The following TMEM232 variants were observed in gnomAD, a reference collection of about 807,000 sequenced individuals.
TMEM232 encodes the protein transmembrane protein 232.
In TMEM232, 80 loss-of-function variants were observed where a neutral mutation model predicts 78.8. The ratio of observed to expected loss-of-function variants is 1.01; its 90% CI spans 0.85 to 1.22. The LOEUF is 1.22. Among genes scored for constraint, TMEM232 ranks in the 50% most tolerant of loss-of-function variants. The pLI is 0.00. For missense variants in TMEM232, 881 were observed against 742.2 expected, an observed-to-expected ratio of 1.19 and a Z score of -2.17; for synonymous variants, 297 against 254.3, an observed-to-expected ratio of 1.17 and a Z score of -1.60.
chr5:110,438,610 C>A (rs899129900), intron 12 of TMEM232, among the ~76,000 whole-genome samples: 1 of 151,954 alleles, frequency 6.6e-6, no homozygotes, highest in African/African-American at 2.4e-5. Flanking sequence ...CCTTTCCTAT[C>A]ATGCATTTAC....
downstream of TMEM232, among the ~76,000 whole-genome samples, chr5:110,418,923 AT>A (rs1165811505): frequency 1.3e-5 from 2 of 152,184 alleles, no homozygotes; most frequent in Non-Finnish European, 2.9e-5. Context: ...TAGTTGTTAT[AT>A]CTTGCTACAA....
At chr5:110,714,590 A>C (rs992728929) in intron 1 of TMEM232, among the ~76,000 whole-genome samples, 5 of 152,176 alleles carry the variant, frequency 3.3e-5, no homozygotes, top group African/African-American at 1.2e-4. Flanking sequence ...TAGTTGACAC[A>C]ATGTCCAATA....
chr5:110,499,702 G>T (rs1766032741), intron 12 of TMEM232, among the ~76,000 whole-genome samples: 2 of 147,202 alleles, frequency 1.4e-5, no homozygotes, highest in Admixed American at 1.4e-4. Flanking sequence ...ATTAATATCA[G>T]ACCAAGTAGA....
At chr5:110,526,969 T>C (rs1241584061) in intron 12 of TMEM232, among the ~76,000 whole-genome samples, 2 of 151,946 alleles carry the variant, frequency 1.3e-5, no homozygotes, top group African/African-American at 4.8e-5. Flanking sequence ...TTATGTTTAC[T>C]ATGCTAATTT....
intron 11 of TMEM232, among the ~76,000 whole-genome samples, chr5:110,557,112 G>T (rs551423895): frequency 6.6e-6 from 1 of 152,000 alleles, no homozygotes; most frequent in Non-Finnish European, 1.5e-5. Flanking sequence ...GAGTTGACTT[G>T]AAGAACTCGT....
At chr5:110,430,368 G>C (rs201862333) in intron 12 of TMEM232, among the ~76,000 whole-genome samples, 1 of 139,926 alleles carries the variant, frequency 7.1e-6, no homozygotes, top group African/African-American at 2.7e-5. Context: ...TTTTTTTTTT[G>C]TTCTCAGAGC....
intron 12 of TMEM232, among the ~76,000 whole-genome samples, chr5:110,471,039 T>C (rs1312429051): frequency 6.6e-6 from 1 of 152,080 alleles, no homozygotes; most frequent in African/African-American, 2.4e-5. Context: ...ACCAAAGAGA[T>C]AGACATCATT....
Position 110,606,177 on chromosome 5 carries a change from G to A in TMEM232, c.1013C>T (p.Ser338Phe). 2 of 1,547,118 alleles carry A rather than the reference G, an allele frequency of 1.3e-6. No homozygotes were observed. The highest frequency in any genetic ancestry group is 1.7e-6 in the Non-Finnish European group (2 of 1,144,084). The change falls in exon 9 of 14, where the codon TCT (serine) becomes TTT (phenylalanine). Residue 338 changes from serine (S) to phenylalanine (F), a missense_variant. Coordinates refer to ENST00000455884, the MANE Select transcript of TMEM232 (RefSeq NM_001039763.4). ...TAGCAATGTTACCTGATTTTGAACA[G>A]ACATAATGCTTGAAACAAAATCTCT... ...VVRDFVSSIM[S>F]VQNQEESCKV...
chr5:110,540,291 G>T, intron 11 of TMEM232, among the ~76,000 whole-genome samples: 1 of 152,174 alleles, frequency 6.6e-6, no homozygotes. Context: ...CCAGCCACTG[G>T]TATTTTAGTG....
At chr5:110,443,392 G>A (rs1012854604) in intron 12 of TMEM232, among the ~76,000 whole-genome samples, 2 of 152,106 alleles carry the variant, frequency 1.3e-5, no homozygotes, top group African/African-American at 4.8e-5. Context: ...AATTCTGCCA[G>A]GCCACCACTG....
At position 110,420,015 on chromosome 5, in the gene TMEM232, G is replaced by T. The variant is rs1302755771; in HGVS notation, c.*565C>A. 1 of 152,224 alleles carries T rather than the reference G, an allele frequency of 6.6e-6. No homozygotes were observed. 9.4% of individuals were successfully genotyped at this position (152,224 alleles called of 1,614,324 possible). ...CCCTCTGGCATCTGTTAAAGATCAA[G>T]CCAATCAATCTAAGATGACCAGCCC... On this transcript the variant is annotated 3_prime_UTR_variant, in exon 14 of 14. Transcript: ENST00000455884.
chr5:110,667,933 G>C (rs949038978), intron 1 of TMEM232, among the ~76,000 whole-genome samples: 9 of 151,688 alleles, frequency 5.9e-5, no homozygotes, highest in African/African-American at 1.7e-4. Context: ...TTTTCCTTTT[G>C]ATTCATATCT....
At chr5:110,485,042 T>A (rs187170129) in intron 12 of TMEM232, among the ~76,000 whole-genome samples, 1 of 152,116 alleles carries the variant, frequency 6.6e-6, no homozygotes. Flanking sequence ...GGTGGGAATG[T>A]AAACAAGTAT....
At chr5:110,524,480 C>T (rs953100402) in intron 12 of TMEM232, among the ~76,000 whole-genome samples, 2 of 151,848 alleles carry the variant, frequency 1.3e-5, no homozygotes, top group Non-Finnish European at 2.9e-5. Flanking sequence ...AGAAATTCTA[C>T]ATATTTGTGA....
At chr5:110,610,169 C>T (rs567539563) in intron 8 of TMEM232, among the ~76,000 whole-genome samples, 3 of 125,204 alleles carry the variant, frequency 2.4e-5, no homozygotes, top group Non-Finnish European at 4.9e-5. Context: ...GAAAGCATAC[C>T]TATTCCTATC....
At chr5:110,446,086 G>A (rs1254964693) in intron 12 of TMEM232, among the ~76,000 whole-genome samples, 2 of 152,048 alleles carry the variant, frequency 1.3e-5, no homozygotes, top group Non-Finnish European at 2.9e-5. Context: ...CCATTTCCTT[G>A]GCAGAACTCT....
intron 1 of TMEM232, among the ~76,000 whole-genome samples, chr5:110,675,245 A>G (rs1338071789): frequency 6.6e-6 from 1 of 151,864 alleles, no homozygotes; most frequent in African/African-American, 2.4e-5. Context: ...GGGTTTCACT[A>G]TGTTGGTCAG....
chr5:110,409,700 C>T (rs1476179120), intron 2 of TMEM232, among the ~76,000 whole-genome samples: 1 of 148,776 alleles, frequency 6.7e-6, no homozygotes, highest in Non-Finnish European at 1.5e-5. Flanking sequence ...GCTACATATT[C>T]TTTTTTTTTT....
At chr5:110,434,735 A>G (rs1178260735) in intron 12 of TMEM232, among the ~76,000 whole-genome samples, 2 of 152,174 alleles carry the variant, frequency 1.3e-5, no homozygotes, top group Non-Finnish European at 2.9e-5. Flanking sequence ...ATGCGGCAGC[A>G]CATCAAAATG....
Sources: gnomAD v4.1 joint callset for allele counts (sites outside exome capture counted in the v4.1 genomes callset) on GRCh38, gnomAD v4.1.1 for gene constraint, MANE v1.5 for transcripts, NCBI Gene and HGNC (gene_info 2026-07-23, HGNC 2026-07-21) for gene names.